Variants in NRXN1 observed in about 807,000 individuals in gnomAD.
NRXN1 encodes neurexin-1.
A neutral mutation model predicts 150.9 loss-of-function variants in NRXN1; 39 were observed. The observed-to-expected ratio is 0.26, with a 90% CI of 0.20 to 0.34. NRXN1 has a LOEUF of 0.34. Among genes scored for constraint, NRXN1 ranks in the 10% least tolerant of loss-of-function variants. The probability of loss-of-function intolerance (pLI) is 1.00; values close to 1 mark genes in which losing one functional copy is unlikely to be tolerated. For missense variants in NRXN1, 1,815 were observed against 1,949.9 expected (o/e 0.93, Z 1.30); for synonymous variants, 924 against 757.0 (o/e 1.22, Z -3.62).
intron 8 of NRXN1, among the ~76,000 whole-genome samples, chr2:50,571,023 A>G (rs1670587719): frequency 1.3e-5 from 2 of 152,274 alleles, no homozygotes; most frequent in South Asian, 4.2e-4. Context: ...TCAGTAAACA[A>G]AAACTCTTTG....
At chr2:50,152,637 T>C (rs2058761750) in intron 18 of NRXN1, among the ~76,000 whole-genome samples, 1 of 151,818 alleles carries the variant, frequency 6.6e-6, no homozygotes, top group Non-Finnish European at 1.5e-5. Flanking sequence ...TTTGGCACTT[T>C]GAATATATCA....
chr2:50,105,178 C>A (rs780957044), intron 18 of NRXN1: 2 of 151,922 alleles, frequency 1.3e-5, no homozygotes, highest in African/African-American at 4.8e-5. Flanking sequence ...TAGACGCTTA[C>A]CATTTTAGGA....
At chr2:50,536,356 T>G (rs2093258725) in intron 10 of NRXN1, among the ~76,000 whole-genome samples, 1 of 152,242 alleles carries the variant, frequency 6.6e-6, no homozygotes, top group South Asian at 2.1e-4. Flanking sequence ...AGACGTATGC[T>G]GAATCCCAAT....
chr2:50,100,917 G>T (rs547137050), intron 18 of NRXN1, among the ~76,000 whole-genome samples: 2 of 152,082 alleles, frequency 1.3e-5, no homozygotes, highest in East Asian at 3.9e-4. Flanking sequence ...TGACTTGGTG[G>T]CCTATGGAAC....
intron 12 of NRXN1, among the ~76,000 whole-genome samples, chr2:50,514,416 A>G (rs2092565077): frequency 6.6e-6 from 1 of 152,170 alleles, no homozygotes; most frequent in South Asian, 2.1e-4. Context: ...TTAGCTACTC[A>G]TTTATTCTGG....
At chr2:50,893,816 T>C (rs529093768) in intron 5 of NRXN1, among the ~76,000 whole-genome samples, 115 of 152,286 alleles carry the variant, frequency 7.6e-4, no homozygotes, top group African/African-American at 2.7e-3. Flanking sequence ...ACTTGACTCA[T>C]TGTTCAATTT....
intron 18 of NRXN1, among the ~76,000 whole-genome samples, chr2:50,223,132 C>T (rs1168738179): frequency 6.6e-6 from 1 of 151,628 alleles, no homozygotes; most frequent in Non-Finnish European, 1.5e-5. Context: ...GTATGCCTCA[C>T]TAGTCTATTG....
At chr2:50,760,591 C>T (rs925290894) in intron 5 of NRXN1, among the ~76,000 whole-genome samples, 18 of 151,920 alleles carry the variant, frequency 1.2e-4, no homozygotes, top group Middle Eastern at 6.8e-3. Flanking sequence ...AGGTACTAGC[C>T]ACTCTAACCA....
chr2:50,746,535 G>A (rs1260969193), intron 5 of NRXN1, among the ~76,000 whole-genome samples: 2 of 150,890 alleles, frequency 1.3e-5, no homozygotes, highest in Non-Finnish European at 2.9e-5. Flanking sequence ...TGCAGCCTGG[G>A]CAACAGAGCA....
intron 17 of NRXN1, among the ~76,000 whole-genome samples, chr2:50,301,559 G>C (rs1223875563): frequency 6.6e-6 from 1 of 152,128 alleles, no homozygotes; most frequent in African/African-American, 2.4e-5. Context: ...TGTGATCTCT[G>C]ATTTTCTTCT....
At chr2:50,280,324 TA>T in intron 17 of NRXN1, among the ~76,000 whole-genome samples, 1 of 151,742 alleles carries the variant, frequency 6.6e-6, no homozygotes, top group Admixed American at 6.6e-5. Context: ...CTATTCACTT[TA>T]AAAATGCATT....
chr2:50,056,723 T>C (rs758934624), intron 19 of NRXN1, among the ~76,000 whole-genome samples: 4 of 152,178 alleles, frequency 2.6e-5, no homozygotes, highest in African/African-American at 4.8e-5. Flanking sequence ...GACAGTGTGA[T>C]TATTGATCAA....
Position 50,347,371 on chromosome 2 carries a change from C to A in NRXN1, c.3365-110401G>T. ...AAGGTCCTCACTTCTACATGACAGA[C>A]ATCCACCGCGAATCCACTAGGTAAA... On this transcript the variant is annotated intron_variant, in intron 17 of 22. Coordinates refer to ENST00000401669, the MANE Select transcript of NRXN1 (RefSeq NM_001330078.2). This position sits in a 1 kb window ranked among gnomAD's most constrained non-coding sequence, Gnocchi z 4.9. The A allele has an allele frequency of 8.4e-7, 1 of 1,197,566 alleles. No homozygotes were observed. Among genetic ancestry groups the A allele is most frequent in the Non-Finnish European group, 1.1e-6 (1 of 945,762 alleles). 74.2% of individuals were successfully genotyped at this position (1,197,566 alleles called of 1,614,324 possible). A position where few individuals can be genotyped will look rare whatever the true frequency, so the allele number is the denominator to read the frequency against.
chr2:50,789,425 T>C (rs969721353), intron 5 of NRXN1, among the ~76,000 whole-genome samples: 1 of 152,226 alleles, frequency 6.6e-6, no homozygotes. Flanking sequence ...CAACTGTAAC[T>C]AACTCCTACG....
intron 5 of NRXN1, among the ~76,000 whole-genome samples, chr2:50,889,474 C>T (rs1313176820): frequency 2.0e-5 from 3 of 151,746 alleles, no homozygotes; most frequent in Non-Finnish European, 4.4e-5. Flanking sequence ...TGTTTCCCAT[C>T]TAAACAAAGG....
At position 50,911,837 on chromosome 2, in the gene NRXN1, C is replaced by T. The variant is rs190141976; in HGVS notation, c.832+10032G>A. On this transcript the variant is annotated intron_variant, in intron 5 of 22. Coordinates refer to ENST00000401669, the MANE Select transcript of NRXN1 (RefSeq NM_001330078.2). ...TAAAGCACATGGTCTGAACTCTACA[C>T]AATGAAAATTTTAATGACCTTTACA... 6.3e-4 allele frequency among the ~76,000 whole-genome samples: 95 copies of T among 151,954 alleles called. 1 individual carries two copies. The highest frequency in any genetic ancestry group is 2.1e-3 in the African/African-American group (89 of 41,516).
In NRXN1 at chr2:50,068,701, G is replaced by A. The variant is rs530743710; in HGVS notation, c.3719-13657C>T. On this transcript the variant is annotated intron_variant, in intron 19 of 22. Transcript: ENST00000401669. ...ATATTAGCCCTTATATTGTAGTCATGTCATTGTTTATTCTCTAGTATGATG... is the reference window on the plus strand; with the variant it reads ...ATATTAGCCCTTATATTGTAGTCATATCATTGTTTATTCTCTAGTATGATG... Among the ~76,000 whole-genome samples, 33 of 152,288 alleles carry A rather than the reference G, an allele frequency of 2.2e-4. 1 individual carries two copies. The highest frequency in any genetic ancestry group is 3.1e-4 in the African/African-American group (13 of 41,564).
At chr2:50,092,466 C>T (rs17039795) in intron 18 of NRXN1, among the ~76,000 whole-genome samples, 7,463 of 152,240 alleles carry the variant, frequency 0.049, 642 homozygotes, top group African/African-American at 0.17. Context: ...TAACCTCAAA[C>T]TGTCTGTGGT....
intron 15 of NRXN1, among the ~76,000 whole-genome samples, chr2:50,494,780 C>A (rs547528819): frequency 9.9e-5 from 15 of 152,250 alleles, no homozygotes; most frequent in African/African-American, 3.6e-4. Context: ...CACCTGTAAT[C>A]CTAGCATTTT....
Sources: allele counts gnomAD v4.1 joint callset (sites outside exome capture counted in the v4.1 genomes callset), GRCh38; gene constraint gnomAD v4.1.1; non-coding constraint Gnocchi (gnomAD v3.1); transcripts MANE v1.5; gene names NCBI Gene and HGNC (gene_info 2026-07-23, HGNC 2026-07-21).